Variants in TSHR observed in about 807,000 individuals in gnomAD.
The protein encoded by TSHR is thyroid stimulating hormone receptor, also known as thyrotropin receptor.
A neutral mutation model predicts 64.1 loss-of-function variants in TSHR; 51 were observed. The observed-to-expected ratio is 0.80, with a 90% CI of 0.64 to 1.01. The LOEUF is 1.01. Ranked by LOEUF, TSHR falls within the 50% of genes least tolerant of loss-of-function variation. The pLI is 0.00. For synonymous variants in TSHR, 361 were observed against 361.9 expected (o/e 1.00, Z 0.03); for missense variants, 877 against 942.8 (o/e 0.93, Z 0.91).
chr14:81,128,659 C>A lies in TSHR; in HGVS notation c.693-11020C>A, dbSNP rs1030187462. On this transcript the variant is annotated intron_variant, in intron 8 of 9. Transcript: ENST00000298171. ...TTCTTTCCTCCTCATGGTTCTACCC[C>A]AGCCACACTGAATAGGACACATGGC... 9.7e-4 allele frequency among the ~76,000 whole-genome samples: 148 copies of A among 152,252 alleles called. 1 individual carries two copies. The highest frequency in any genetic ancestry group is 3.5e-3 in the African/African-American group (144 of 41,538).
At chr14:81,058,567 GA>G (rs1276740915) in intron 1 of TSHR, among the ~76,000 whole-genome samples, 1 of 152,068 alleles carries the variant, frequency 6.6e-6, no homozygotes, top group Non-Finnish European at 1.5e-5. Flanking sequence ...ATTTTAGAAA[GA>G]ATCATCATTG....
intron 8 of TSHR, among the ~76,000 whole-genome samples, chr14:81,129,606 A>G (rs1430942693): frequency 6.6e-6 from 1 of 152,140 alleles, no homozygotes; most frequent in South Asian, 2.1e-4. Context: ...ACCATGTCCT[A>G]TGGCCTCCCC....
intron 1 of TSHR, among the ~76,000 whole-genome samples, chr14:80,974,031 T>C (rs1339377219): frequency 6.6e-6 from 1 of 152,162 alleles, no homozygotes; most frequent in Non-Finnish European, 1.5e-5. Context: ...AAATCTGCTC[T>C]CCCCACAATG....
rs993736966 is a variant in TSHR at position 81,070,790 on chromosome 14, C to G, written c.317+2462C>G. 1.3e-4 allele frequency among the ~76,000 whole-genome samples: 20 copies of G among 151,642 alleles called. 1 individual carries two copies. Among genetic ancestry groups the G allele is most frequent in the African/African-American group, 4.8e-4 (20 of 41,280 alleles). On this transcript the variant is annotated intron_variant, in intron 3 of 9. Transcript: ENST00000298171. ...AACAGCAAATATCTGCCAACCCAAC[C>G]AAAAGATTATTTAAAATTAGAAAAA...
At chr14:80,958,466 A>C (rs1014723947) in intron 1 of TSHR, among the ~76,000 whole-genome samples, 3 of 152,176 alleles carry the variant, frequency 2.0e-5, no homozygotes, top group African/African-American at 7.2e-5. Context: ...GCTTTGGAGA[A>C]AAAAGTCTGA....
chr14:81,096,569 C>T (rs1460088126), intron 6 of TSHR, 70 bp from the exon 7 acceptor site: 3 of 1,480,652 alleles, frequency 2.0e-6, no homozygotes, highest in South Asian at 2.3e-5. Context: ...AAATATAGTC[C>T]AACTCTCCAG....
chr14:80,955,762 C>T lies in TSHR; in HGVS notation c.82C>T (p.Pro28Ser), dbSNP rs1253500374. Residue 28 changes from proline to serine, a missense_variant, in exon 1 of 10, where the codon CCC becomes TCC. Physicochemically the swap from Pro to Ser is moderately conservative, Grantham distance 74. Coordinates refer to ENST00000298171, the MANE Select transcript of TSHR (RefSeq NM_000369.5). ...GGGCGGAATGGGGTGTTCGTCTCCA[C>T]CCTGCGAGTGCCATCAGGAGGAGGA... Reference protein sequence around the residue: ...DLGGMGCSSPPCECHQEEDFR... With the variant: ...DLGGMGCSSPSCECHQEEDFR... The T allele has an allele frequency of 6.2e-7, 1 of 1,614,188 alleles. No individual in the cohort carries two copies. Among genetic ancestry groups the T allele is most frequent in the East Asian group, 2.2e-5 (1 of 44,866 alleles).
At chr14:80,978,579 C>G (rs1228491419) in intron 1 of TSHR, among the ~76,000 whole-genome samples, 1 of 152,242 alleles carries the variant, frequency 6.6e-6, no homozygotes, top group African/African-American at 2.4e-5. Flanking sequence ...AAGCCAGGCT[C>G]TAGCACCACT....
rs2140109543 is a variant in TSHR at position 81,143,143 on chromosome 14, A to G, written c.1085A>G (p.Glu362Gly). The stretch of plus-strand genomic sequence containing the variant: ...GTCTTCTTTGAAGAACAAGAGGATG[A>G]GATCATTGGTTTTGGCCAGGAGCTC... Reference protein sequence around the residue: ...YYVFFEEQEDEIIGFGQELKN... With the variant: ...YYVFFEEQEDGIIGFGQELKN... Residue 362 changes from glutamate to glycine, a missense_variant, in exon 10 of 10, where the codon GAG (glutamate) becomes GGG (glycine). Physicochemically the swap from Glu to Gly is moderately conservative, Grantham distance 98. Coordinates refer to ENST00000298171, the MANE Select transcript of TSHR (RefSeq NM_000369.5). 1 of 1,614,132 alleles carries G rather than the reference A, an allele frequency of 6.2e-7. No individual in the cohort carries two copies. Among genetic ancestry groups the G allele is most frequent in the East Asian group, 2.2e-5 (1 of 44,876 alleles).
chr14:81,024,860 T>C (rs1883965646), intron 1 of TSHR, among the ~76,000 whole-genome samples: 1 of 152,124 alleles, frequency 6.6e-6, no homozygotes, highest in Non-Finnish European at 1.5e-5. Flanking sequence ...ATAGATCCCA[T>C]GGTGTTATTC....
At chr14:81,106,716 G>A (rs1428213168) in intron 7 of TSHR, among the ~76,000 whole-genome samples, 1 of 151,976 alleles carries the variant, frequency 6.6e-6, no homozygotes, top group Non-Finnish European at 1.5e-5. Context: ...AGGCCGAGTT[G>A]GGCAGATCAG....
At chr14:81,105,766 A>G (rs2140022332) in intron 7 of TSHR, among the ~76,000 whole-genome samples, 1 of 152,378 alleles carries the variant, frequency 6.6e-6, no homozygotes, top group South Asian at 2.1e-4. Context: ...TGCAGCAGTT[A>G]GAGATGAAGA....
At chr14:81,047,664 C>CTTTTTTT (rs11462189) in intron 1 of TSHR, among the ~76,000 whole-genome samples, 3 of 135,484 alleles carry the variant, frequency 2.2e-5, no homozygotes, top group African/African-American at 8.2e-5. Context: ...TTCATTGGCT[C>CTTTTTTT]TTTTTTTTTT....
rs369687579 is a variant in TSHR at position 81,139,884 on chromosome 14, C to A, written c.881+17C>A. The A allele has an allele frequency of 5.6e-6, 9 of 1,613,804 alleles. No individual in the cohort carries two copies. In the Admixed American group the frequency reaches 6.7e-5, roughly 12 times the overall value. ...AATCAGAGGGTAAGTGGCAGGGACC[C>A]GGCATAAGTGACAAAAGACCTTGGT... On this transcript the variant is annotated intron_variant, in intron 9 of 9. Transcript: ENST00000298171.
At chr14:81,122,332 C>T (rs1052023612) in intron 8 of TSHR, among the ~76,000 whole-genome samples, 33 of 151,590 alleles carry the variant, frequency 2.2e-4, no homozygotes, top group Admixed American at 6.6e-4. Flanking sequence ...TGTGAGCCAC[C>T]GCTCCTGGCC....
chr14:81,129,738 C>T (rs1891160263), intron 8 of TSHR, among the ~76,000 whole-genome samples: 1 of 152,208 alleles, frequency 6.6e-6, no homozygotes, highest in African/African-American at 2.4e-5. Context: ...CACATCTACC[C>T]ATCTTCCTGT....
intron 7 of TSHR, among the ~76,000 whole-genome samples, chr14:81,098,270 GCCT>G (rs1415974207): frequency 2.0e-5 from 3 of 152,184 alleles, no homozygotes; most frequent in African/African-American, 7.2e-5. Context: ...AATAACTGAA[GCCT>G]AAATATCGAA....
chr14:81,091,250 G>A, intron 5 of TSHR, 107 bp downstream of exon 5: 1 of 1,017,764 alleles, frequency 9.8e-7, no homozygotes, highest in Non-Finnish European at 1.5e-6. Context: ...ATTGTTTCAA[G>A]GAGTAAGCAA....
Position 81,143,746 on chromosome 14 carries a change from A to G in TSHR, c.1688A>G (p.Tyr563Cys). Residue 563 changes from tyrosine to cysteine, a missense_variant, in exon 10 of 10, where the codon TAT (tyrosine) becomes TGT (cysteine). Tyr to Cys is a radical substitution (Grantham distance 194). Transcript: ENST00000298171. ...ALLPLVGISS[Y>C]AKVSICLPMD... ...CTTCCTTTGGTGGGAATAAGTAGCTATGCCAAAGTCAGTATCTGCCTGCCC... is the reference window on the plus strand; with the variant it reads ...CTTCCTTTGGTGGGAATAAGTAGCTGTGCCAAAGTCAGTATCTGCCTGCCC... 6.2e-7 allele frequency: 1 copy of G among 1,614,158 alleles called. No individual in the cohort carries two copies. Among genetic ancestry groups the G allele is most frequent in the East Asian group, 2.2e-5 (1 of 44,872 alleles).
Sources: gnomAD v4.1 joint callset for allele counts (sites outside exome capture counted in the v4.1 genomes callset) on GRCh38, gnomAD v4.1.1 for gene constraint, MANE v1.5 for transcripts, NCBI Gene and HGNC (gene_info 2026-07-23, HGNC 2026-07-21) for gene names.